Variants in DPYD observed in about 807,000 individuals in gnomAD.
DPYD encodes the protein dihydropyrimidine dehydrogenase [NADP(+)].
DPYD carries 109 observed loss-of-function variants against 116.2 expected under a neutral mutation model. The observed-to-expected ratio is 0.94, with a 90% CI of 0.80 to 1.10. DPYD has a LOEUF of 1.10. Among genes scored for constraint, DPYD ranks in the 50% least tolerant of loss-of-function variants. The pLI, the probability that DPYD is intolerant of heterozygous loss-of-function variation, is 0.00. For synonymous variants in DPYD, 440 were observed against 432.0 expected (o/e 1.02, Z -0.23); for missense variants, 1,302 against 1,254.5 (o/e 1.04, Z -0.57).
At chr1:97,145,670 G>A (rs900672465) in intron 20 of DPYD, among the ~76,000 whole-genome samples, 9 of 151,716 alleles carry the variant, frequency 5.9e-5, no homozygotes, top group African/African-American at 2.2e-4. Flanking sequence ...TGTAATGAAT[G>A]CGTGCTGCAG....
chr1:97,539,778 G>T (rs1039872264), intron 12 of DPYD, among the ~76,000 whole-genome samples: 3 of 152,098 alleles, frequency 2.0e-5, no homozygotes, highest in Non-Finnish European at 1.5e-5. Context: ...CTACTGAAGG[G>T]ACAATGAGCT....
intron 20 of DPYD, among the ~76,000 whole-genome samples, chr1:97,120,185 C>T (rs184873626): frequency 3.3e-5 from 5 of 152,246 alleles, no homozygotes; most frequent in Non-Finnish European, 5.9e-5. Context: ...AAGTTTGTGT[C>T]GCCTTGTTCT....
intron 15 of DPYD, among the ~76,000 whole-genome samples, chr1:97,382,163 A>G (rs1404083502): frequency 2.0e-5 from 3 of 152,176 alleles, no homozygotes; most frequent in Admixed American, 6.5e-5. Context: ...ATTTTTAGGT[A>G]GTGTGTGAAA....
At chr1:97,314,555 A>T (rs1667706392) in intron 16 of DPYD, among the ~76,000 whole-genome samples, 1 of 139,952 alleles carries the variant, frequency 7.1e-6, no homozygotes, top group Admixed American at 7.5e-5. Context: ...TGTTTAGTTA[A>T]TTCCTGACTG....
At chr1:97,621,455 T>C (rs1275883256) in intron 8 of DPYD, among the ~76,000 whole-genome samples, 6 of 152,082 alleles carry the variant, frequency 3.9e-5, no homozygotes, top group African/African-American at 1.2e-4. Context: ...CAGATACATA[T>C]GGTTAAAGAA....
chr1:97,562,338 G>A (rs554807080), intron 11 of DPYD, among the ~76,000 whole-genome samples: 2 of 152,160 alleles, frequency 1.3e-5, no homozygotes, highest in Admixed American at 6.5e-5. Context: ...TAAACCAAAT[G>A]AATTGTAAAT....
intron 8 of DPYD, among the ~76,000 whole-genome samples, chr1:97,671,540 TG>T (rs1335379375): frequency 6.6e-6 from 1 of 152,202 alleles, no homozygotes; most frequent in African/African-American, 2.4e-5. Context: ...CTTGGAAAGA[TG>T]CATGAATTTT....
intron 8 of DPYD, among the ~76,000 whole-genome samples, chr1:97,659,395 A>G (rs1019651947): frequency 6.6e-6 from 1 of 152,208 alleles, no homozygotes; most frequent in African/African-American, 2.4e-5. Flanking sequence ...GATTATAAAT[A>G]CAGTCTGTAC....
At chr1:97,607,893 C>T (rs1655699837) in intron 8 of DPYD, among the ~76,000 whole-genome samples, 1 of 151,922 alleles carries the variant, frequency 6.6e-6, no homozygotes, top group South Asian at 2.1e-4. Context: ...CAGTACAATA[C>T]ATGGCCACTA....
At chr1:97,856,913 G>C (rs192561604) in intron 2 of DPYD, 3 of 152,358 alleles carry the variant, frequency 2.0e-5, no homozygotes, top group Non-Finnish European at 2.9e-5. Context: ...TGGAGTTTCT[G>C]GTTCAGGTTC....
intron 16 of DPYD, among the ~76,000 whole-genome samples, chr1:97,329,517 T>C (rs559142998): frequency 6.7e-4 from 101 of 151,822 alleles, no homozygotes; most frequent in Non-Finnish European, 1.2e-3. Flanking sequence ...GAGGCCCAGG[T>C]GGGCGGATCA....
At chr1:97,845,991 C>A (rs1275609866) in intron 2 of DPYD, among the ~76,000 whole-genome samples, 1 of 152,208 alleles carries the variant, frequency 6.6e-6, no homozygotes, top group Non-Finnish European at 1.5e-5. Flanking sequence ...AATGGGTGGA[C>A]CCCACACTCA....
chr1:97,884,030 A>G (rs531019533), intron 1 of DPYD, among the ~76,000 whole-genome samples: 22 of 152,048 alleles, frequency 1.4e-4, no homozygotes, highest in Non-Finnish European at 2.8e-4. Flanking sequence ...TAATGTTATC[A>G]TTGATATAAT....
rs540587077 is a variant in DPYD at position 97,840,673 on chromosome 1, T to C, written c.151-12477A>G. ...TTAATTGGAAAAATGAATGGAGTTA[T>C]GTGCACAAATGATGTGAAATCCATG... On this transcript the variant is annotated intron_variant, in intron 2 of 22. Transcript: ENST00000370192. Among the ~76,000 whole-genome samples the C allele has an allele frequency of 2.0e-5, 3 of 152,240 alleles. No homozygotes were observed. The South Asian group carries it at 6.2e-4, about 32-fold the overall frequency.
intron 8 of DPYD, among the ~76,000 whole-genome samples, chr1:97,659,780 TTCA>T (rs1350561447): frequency 6.6e-6 from 1 of 152,192 alleles, no homozygotes; most frequent in African/African-American, 2.4e-5. Context: ...TACATTGCCC[TTCA>T]TCGAGTCATA....
At chr1:97,556,512 C>G (rs1363847710) in intron 11 of DPYD, among the ~76,000 whole-genome samples, 1 of 108,572 alleles carries the variant, frequency 9.2e-6, no homozygotes, top group African/African-American at 3.5e-5. Flanking sequence ...CCCCTCCCCC[C>G]ACCCCACAAC....
chr1:97,553,524 T>A (rs1040405232), intron 11 of DPYD, among the ~76,000 whole-genome samples: 6 of 152,182 alleles, frequency 3.9e-5, no homozygotes, highest in Non-Finnish European at 8.8e-5. Flanking sequence ...GAAGCAAATC[T>A]TCTGTTCTGT....
At chr1:97,126,044 T>C (rs1262127270) in intron 20 of DPYD, among the ~76,000 whole-genome samples, 1 of 152,092 alleles carries the variant, frequency 6.6e-6, no homozygotes, top group African/African-American at 2.4e-5. Context: ...AGTAAAACTT[T>C]TGAGATTAAT....
At chr1:97,398,507 C>T (rs553018770) in intron 14 of DPYD, among the ~76,000 whole-genome samples, 2 of 151,604 alleles carry the variant, frequency 1.3e-5, no homozygotes, top group Admixed American at 6.6e-5. Flanking sequence ...TTCTAGATCC[C>T]TGAGGAATCA....
Sources: gnomAD v4.1 joint callset for allele counts (sites outside exome capture counted in the v4.1 genomes callset) on GRCh38, gnomAD v4.1.1 for gene constraint, MANE v1.5 for transcripts, NCBI Gene and HGNC (gene_info 2026-07-23, HGNC 2026-07-21) for gene names.